Variants in DCC observed in about 807,000 individuals in gnomAD.
DCC encodes DCC netrin 1 receptor.
Under a neutral mutation model 172.5 loss-of-function variants are expected in DCC, and 58 were observed. That is an observed-to-expected ratio of 0.34 (90% CI 0.27 to 0.42). The LOEUF (loss-of-function observed/expected upper bound fraction) is 0.42. Among genes scored for constraint, DCC ranks in the 10% least tolerant of loss-of-function variants. The pLI, the probability that DCC is intolerant of heterozygous loss-of-function variation, is 1.00. For missense variants in DCC, 1,740 were observed against 1,791.0 expected (o/e 0.97, Z 0.51); for synonymous variants, 709 against 644.5 (o/e 1.10, Z -1.52).
chr18:53,332,758 G>T (rs2057544651), intron 14 of DCC, among the ~76,000 whole-genome samples: 1 of 151,702 alleles, frequency 6.6e-6, no homozygotes, highest in Non-Finnish European at 1.5e-5. Flanking sequence ...ATTATGGCAG[G>T]AGTGGTGGAT....
intron 7 of DCC, among the ~76,000 whole-genome samples, chr18:53,146,402 G>T (rs1245047304): frequency 6.6e-6 from 1 of 152,200 alleles, no homozygotes; most frequent in Non-Finnish European, 1.5e-5. Flanking sequence ...CTATGGAGCA[G>T]GAAGTTGGTG....
intron 2 of DCC, among the ~76,000 whole-genome samples, chr18:52,839,675 G>A (rs947468709): frequency 1.3e-5 from 2 of 152,176 alleles, no homozygotes; most frequent in Non-Finnish European, 2.9e-5. Context: ...TATTCTAAGA[G>A]CAAAATTTAA....
At chr18:52,886,163 G>T (rs1253796259) in intron 2 of DCC, among the ~76,000 whole-genome samples, 1 of 151,992 alleles carries the variant, frequency 6.6e-6, no homozygotes, top group African/African-American at 2.4e-5. Flanking sequence ...TCCCCATCTG[G>T]TATCTCCCTA....
intron 21 of DCC, among the ~76,000 whole-genome samples, chr18:53,421,422 C>A (rs1371402436): frequency 6.6e-6 from 1 of 152,116 alleles, no homozygotes; most frequent in Non-Finnish European, 1.5e-5. Flanking sequence ...GTATTTAATT[C>A]TCCATGACCT....
At chr18:52,985,298 T>G (rs2041275070) in intron 5 of DCC, among the ~76,000 whole-genome samples, 1 of 152,134 alleles carries the variant, frequency 6.6e-6, no homozygotes, top group African/African-American at 2.4e-5. Flanking sequence ...GTTTGAGTCC[T>G]TGTAAATATC....
intron 2 of DCC, among the ~76,000 whole-genome samples, chr18:52,798,289 G>A (rs1200326068): frequency 6.6e-6 from 1 of 152,172 alleles, no homozygotes; most frequent in Non-Finnish European, 1.5e-5. Context: ...CAAAAATTTG[G>A]AAAACATTTC....
intron 1 of DCC, among the ~76,000 whole-genome samples, chr18:52,628,601 A>T (rs2034616782): frequency 6.6e-6 from 1 of 152,146 alleles, no homozygotes; most frequent in Non-Finnish European, 1.5e-5. Context: ...CTTTCTTCCA[A>T]GTTATAACCA....
At chr18:52,831,952 T>G (rs2038621908) in intron 2 of DCC, among the ~76,000 whole-genome samples, 1 of 152,110 alleles carries the variant, frequency 6.6e-6, no homozygotes, top group Admixed American at 6.5e-5. Flanking sequence ...TACTCCCAAA[T>G]GAAATGATTT....
At chr18:53,361,955 A>G (rs999581957) in intron 15 of DCC, among the ~76,000 whole-genome samples, 4 of 152,210 alleles carry the variant, frequency 2.6e-5, no homozygotes, top group African/African-American at 9.6e-5. Context: ...GGAATTCTAT[A>G]AAAGTATTGG....
chr18:53,394,955 A>G (rs1356142746), intron 17 of DCC, among the ~76,000 whole-genome samples: 32 of 151,570 alleles, frequency 2.1e-4, no homozygotes. Context: ...CAGCCTGGCC[A>G]ACATGGTGAA....
intron 15 of DCC, among the ~76,000 whole-genome samples, chr18:53,375,863 T>C (rs1350242162): frequency 1.3e-5 from 2 of 152,138 alleles, no homozygotes; most frequent in African/African-American, 4.8e-5. Context: ...TTTATTTTGC[T>C]GTAATTGGTG....
intron 15 of DCC, among the ~76,000 whole-genome samples, chr18:53,342,880 T>TATTCCTAAATA (rs1568068827): frequency 6.8e-6 from 1 of 148,012 alleles, no homozygotes; most frequent in Non-Finnish European, 1.5e-5. Context: ...TATATTTGAA[T>TATTCCTAAATA]TATTTTAAAT....
intron 21 of DCC, among the ~76,000 whole-genome samples, chr18:53,431,527 G>T (rs180723242): frequency 6.6e-6 from 1 of 150,504 alleles, no homozygotes; most frequent in Non-Finnish European, 1.5e-5. Flanking sequence ...TTGCTTTATC[G>T]CCTAGGCTGG....
chr18:53,221,891 C>T (rs528597619), intron 12 of DCC, among the ~76,000 whole-genome samples: 1 of 152,260 alleles, frequency 6.6e-6, no homozygotes, highest in South Asian at 2.1e-4. Flanking sequence ...CAAAATTCCA[C>T]ATTTATAAAT....
intron 5 of DCC, among the ~76,000 whole-genome samples, chr18:53,023,009 G>A (rs1027898722): frequency 7.2e-5 from 11 of 151,950 alleles, no homozygotes; most frequent in African/African-American, 2.4e-4. Flanking sequence ...TATAAATCTC[G>A]ACTTTTTGGA....
At chr18:53,443,023 G>A (rs1912368379) in intron 22 of DCC, among the ~76,000 whole-genome samples, 1 of 152,184 alleles carries the variant, frequency 6.6e-6, no homozygotes, top group African/African-American at 2.4e-5. Context: ...AAAGTGCAAA[G>A]TGCAACAGCA....
intron 1 of DCC, among the ~76,000 whole-genome samples, chr18:52,345,556 T>G (rs1983842228): frequency 6.6e-6 from 1 of 152,196 alleles, no homozygotes; most frequent in Non-Finnish European, 1.5e-5. Flanking sequence ...GGCAGCCTGC[T>G]GTGGGCTGCT....
intron 2 of DCC, among the ~76,000 whole-genome samples, chr18:52,851,693 T>A (rs1306197717): frequency 1.3e-5 from 2 of 152,160 alleles, no homozygotes; most frequent in Non-Finnish European, 2.9e-5. Context: ...ATTCTGAAGC[T>A]CAGCTAAAGC....
At chr18:52,846,648 C>T (rs1025135205) in intron 2 of DCC, among the ~76,000 whole-genome samples, 2 of 140,992 alleles carry the variant, frequency 1.4e-5, no homozygotes, top group African/African-American at 5.5e-5. Flanking sequence ...CACACACACA[C>T]ACACTTGGGG....
Sources: allele counts gnomAD v4.1 joint callset (sites outside exome capture counted in the v4.1 genomes callset), GRCh38; gene constraint gnomAD v4.1.1; transcripts MANE v1.5; gene names NCBI Gene and HGNC (gene_info 2026-07-23, HGNC 2026-07-21).